Variants in DLG2 observed in about 807,000 individuals in gnomAD.
DLG2 encodes disks large homolog 2.
DLG2 carries 45 observed loss-of-function variants against 132.5 expected under a neutral mutation model. The observed-to-expected ratio is 0.34, with a 90% CI of 0.27 to 0.44. DLG2 has a LOEUF of 0.44. Among genes scored for constraint, DLG2 ranks in the 20% least tolerant of loss-of-function variants. The pLI is 1.00. For synonymous variants in DLG2, 424 were observed against 419.6 expected, an observed-to-expected ratio of 1.01 and a Z score of -0.13; for missense variants, 1,045 against 1,196.9, an observed-to-expected ratio of 0.87 and a Z score of 1.87.
intron 18 of DLG2, among the ~76,000 whole-genome samples, chr11:83,776,200 T>G (rs1035960815): frequency 3.9e-4 from 60 of 152,252 alleles, no homozygotes; most frequent in African/African-American, 1.4e-3. Flanking sequence ...TTTCCATGTT[T>G]TCAGGAAAGG....
chr11:84,842,604 G>A (rs1356451201), intron 6 of DLG2, among the ~76,000 whole-genome samples: 4 of 151,944 alleles, frequency 2.6e-5, no homozygotes, highest in Non-Finnish European at 5.9e-5. Context: ...CACTTCAATA[G>A]TTAGAGAAAT....
At chr11:84,864,836 G>A (rs933830493) in intron 6 of DLG2, among the ~76,000 whole-genome samples, 1 of 152,132 alleles carries the variant, frequency 6.6e-6, no homozygotes, top group Non-Finnish European at 1.5e-5. Flanking sequence ...CATGAATAGT[G>A]AGAAAATTTT....
At chr11:83,481,368 T>C (rs2093089918) in intron 22 of DLG2, among the ~76,000 whole-genome samples, 1 of 151,030 alleles carries the variant, frequency 6.6e-6, no homozygotes. Flanking sequence ...ATTTGTATAT[T>C]ACTTTAATTA....
chr11:84,442,485 A>G (rs1202152147), intron 7 of DLG2, among the ~76,000 whole-genome samples: 1 of 152,100 alleles, frequency 6.6e-6, no homozygotes, highest in Non-Finnish European at 1.5e-5. Context: ...CAATGAGAAC[A>G]CATGGACCCA....
chr11:84,164,260 T>C (rs1029127889), intron 8 of DLG2, among the ~76,000 whole-genome samples: 4 of 152,212 alleles, frequency 2.6e-5, no homozygotes, highest in Admixed American at 2.0e-4. Flanking sequence ...GAAAAGTTGG[T>C]TTAAAATAAT....
At position 84,641,932 on chromosome 11, in the gene DLG2, C is replaced by T. The variant is rs540192289; in HGVS notation, c.358-107201G>A. Reference sequence around the variant, plus strand: ...TGTGTGGATATGTTATATATACACACACACACATACACACATCCATACGTA... The same window carrying T: ...TGTGTGGATATGTTATATATACACATACACACATACACACATCCATACGTA... On this transcript the variant is annotated intron_variant, in intron 6 of 27. Transcript: ENST00000376104. Among the ~76,000 whole-genome samples the T allele has an allele frequency of 2.6e-5, 4 of 151,072 alleles. No homozygotes were observed. The East Asian group carries it at 8.0e-4, about 30-fold the overall frequency.
intron 14 of DLG2, among the ~76,000 whole-genome samples, chr11:83,932,557 C>G (rs1450691489): frequency 6.6e-6 from 1 of 152,036 alleles, no homozygotes; most frequent in Non-Finnish European, 1.5e-5. Context: ...TATTACAGCG[C>G]TAGGATTCTG....
intron 6 of DLG2, among the ~76,000 whole-genome samples, chr11:84,971,495 A>G (rs1223697531): frequency 6.6e-6 from 1 of 152,228 alleles, no homozygotes. Flanking sequence ...TAGAAACAGA[A>G]GCTTATGGAA....
intron 19 of DLG2, among the ~76,000 whole-genome samples, chr11:83,577,654 TATA>T (rs1460456184): frequency 3.2e-5 from 4 of 125,310 alleles, no homozygotes; most frequent in East Asian, 2.2e-4. Context: ...ATTTATAATA[TATA>T]ATATTATAAA....
At chr11:84,796,646 A>G (rs1450937082) in intron 6 of DLG2, among the ~76,000 whole-genome samples, 1 of 151,042 alleles carries the variant, frequency 6.6e-6, no homozygotes, top group Non-Finnish European at 1.5e-5. Context: ...TTCATGCTTG[A>G]AAGATATTTT....
intron 8 of DLG2, among the ~76,000 whole-genome samples, chr11:84,203,102 C>A (rs1254792772): frequency 2.0e-5 from 3 of 148,624 alleles, no homozygotes; most frequent in African/African-American, 4.9e-5. Flanking sequence ...ACCGAACAAT[C>A]CCATTACTAG....
At chr11:85,453,097 A>C (rs186220659) in intron 3 of DLG2, 28 of 220,172 alleles carry the variant, frequency 1.3e-4, no homozygotes, top group African/African-American at 5.3e-4. Flanking sequence ...TACTAAAAAA[A>C]CAATTAACAG....
At chr11:83,480,753 A>ATGTC (rs2093037887) in intron 22 of DLG2, 1 of 788,670 alleles carries the variant, frequency 1.3e-6, no homozygotes, top group Admixed American at 2.4e-5. Flanking sequence ...AATGACTAGT[A>ATGTC]TGTCTTGACT....
chr11:83,729,949 T>G (rs2090698320), intron 18 of DLG2, among the ~76,000 whole-genome samples: 2 of 152,146 alleles, frequency 1.3e-5, no homozygotes, highest in Non-Finnish European at 2.9e-5. Flanking sequence ...AAGTCACTTG[T>G]ATCAGAAAAG....
chr11:85,379,759 T>C (rs950726600), intron 3 of DLG2, among the ~76,000 whole-genome samples: 1 of 152,234 alleles, frequency 6.6e-6, no homozygotes, highest in African/African-American at 2.4e-5. Flanking sequence ...ACGATACTTC[T>C]GGCTGCTGTT....
At chr11:83,614,589 C>T (rs868625553) in intron 19 of DLG2, among the ~76,000 whole-genome samples, 4 of 151,928 alleles carry the variant, frequency 2.6e-5, no homozygotes, top group African/African-American at 7.3e-5. Flanking sequence ...CCTGGTGGTG[C>T]ATACCTGTAG....
At chr11:84,420,858 C>CG (rs1159342263) in intron 7 of DLG2, among the ~76,000 whole-genome samples, 1 of 150,164 alleles carries the variant, frequency 6.7e-6, no homozygotes, top group African/African-American at 2.4e-5. Context: ...TTAGTAGAGA[C>CG]GGGGTTTCAC....
rs1034749795 is a variant in DLG2 at position 83,921,958 on chromosome 11, C to T, written c.1496+8370G>A. Among the ~76,000 whole-genome samples the T allele has an allele frequency of 5.9e-5, 9 of 152,112 alleles. No homozygotes were observed. The South Asian group carries it at 6.2e-4, about 11-fold the overall frequency. On this transcript the variant is annotated intron_variant, in intron 15 of 27. Transcript: ENST00000376104. ...GTAAAACCAATCTGGTTTCACTTCC[C>T]AACTCTGTTATCTCAAGGTATTTGA... is the stretch of plus-strand genomic sequence containing the variant.
intron 3 of DLG2, among the ~76,000 whole-genome samples, chr11:85,305,802 G>A (rs944356280): frequency 8.5e-5 from 13 of 152,062 alleles, no homozygotes; most frequent in Non-Finnish European, 8.8e-5. Flanking sequence ...CGTGAGCCAC[G>A]GCGCCTGGCT....
Sources: allele counts gnomAD v4.1 joint callset (sites outside exome capture counted in the v4.1 genomes callset), GRCh38; gene constraint gnomAD v4.1.1; transcripts MANE v1.5; gene names NCBI Gene and HGNC (gene_info 2026-07-23, HGNC 2026-07-21).